The following SLC4A5 variants were observed in gnomAD, a reference collection of about 807,000 sequenced individuals.
SLC4A5 encodes the protein electrogenic sodium bicarbonate cotransporter 4.
SLC4A5 carries 96 observed loss-of-function variants against 120.4 expected under a neutral mutation model. The ratio of observed to expected loss-of-function variants is 0.80; its 90% confidence interval spans 0.68 to 0.94. SLC4A5 has a LOEUF of 0.94. Ranked by LOEUF, SLC4A5 falls within the 40% of genes least tolerant of loss-of-function variation. The pLI is 0.00. For missense variants in SLC4A5, 1,259 were observed against 1,459.5 expected (o/e 0.86, Z 2.24); for synonymous variants, 550 against 571.1 (o/e 0.96, Z 0.53).
At chr2:74,276,787 C>T (rs1671656393) in intron 8 of SLC4A5, among the ~76,000 whole-genome samples, 1 of 150,004 alleles carries the variant, frequency 6.7e-6, no homozygotes, top group Admixed American at 6.6e-5. Flanking sequence ...GATCTGGGTC[C>T]CAGTGATAGG....
At chr2:74,290,705 TAGAG>T (rs1672138986) in intron 7 of SLC4A5, 2 of 981,274 alleles carry the variant, frequency 2.0e-6, no homozygotes, top group African/African-American at 1.8e-5. Flanking sequence ...TCAGGTGCAC[TAGAG>T]AGAGAAAGGC....
intron 6 of SLC4A5, among the ~76,000 whole-genome samples, chr2:74,313,415 A>T (rs1672869173): frequency 6.6e-6 from 1 of 152,178 alleles, no homozygotes; most frequent in African/African-American, 2.4e-5. Flanking sequence ...AGAGATGTTG[A>T]ATATGCTTTA....
chr2:74,273,886 G>A (rs981915589), intron 8 of SLC4A5, among the ~76,000 whole-genome samples: 12 of 152,306 alleles, frequency 7.9e-5, no homozygotes, highest in South Asian at 2.1e-4. Context: ...ACCTGAGGCC[G>A]GGCCTGGTGG....
In SLC4A5 at chr2:74,217,499, T is replaced by G. The variant is rs1000277372; in HGVS notation, c.*1327A>C. On this transcript the variant is annotated 3_prime_UTR_variant, in exon 31 of 31. Transcript: ENST00000394019. ...AATGTGACCTTACCTCTGTCTAACCTGTATTGTTCACATGAATGGGAGTTT... is the reference window on the plus strand; with the variant it reads ...AATGTGACCTTACCTCTGTCTAACCGGTATTGTTCACATGAATGGGAGTTT... The G allele has an allele frequency of 1.3e-5, 2 of 152,212 alleles. 1 individual carries two copies. Among genetic ancestry groups the G allele is most frequent in the Non-Finnish European group, 2.9e-5 (2 of 68,046 alleles). 9.4% of individuals were successfully genotyped at this position (152,212 alleles called of 1,614,324 possible).
Position 74,224,995 on chromosome 2 carries a change from TCTGTGGTGGAGAGAGAC to T in SLC4A5, c.3091-17_3091-1del. The T allele has an allele frequency of 1.2e-6, 2 of 1,613,252 alleles. No homozygotes were observed. The highest frequency in any genetic ancestry group is 1.7e-6 in the Non-Finnish European group (2 of 1,179,860). On this transcript the variant is annotated splice_acceptor_variant and splice_polypyrimidine_tract_variant and intron_variant, in intron 27 of 30. Coordinates refer to ENST00000394019, the Ensembl canonical transcript of SLC4A5. LOFTEE classifies it high-confidence loss of function. ...CTTCGAACGATGATGAGGCCCAGGA[TCTGTGGTGGAGAGAGAC>T]TAAAGTTTTGTGAGAATTTGGAGAA...
At chr2:74,327,872 T>G (rs1573108479) in intron 5 of SLC4A5, among the ~76,000 whole-genome samples, 1 of 152,184 alleles carries the variant, frequency 6.6e-6, no homozygotes, top group East Asian at 1.9e-4. Flanking sequence ...TTCCTGTCAT[T>G]TCTGTTAATT....
exon 15 of SLC4A5, chr2:74,253,120 A>G (rs373547889): frequency 3.1e-6 from 5 of 1,614,134 alleles, no homozygotes; most frequent in Non-Finnish European, 8.5e-7. Flanking sequence ...AGGCCACGTC[A>G]CTGAAGAGCT....
rs1424498413 is a variant in SLC4A5 at position 74,264,301 on chromosome 2, T to G, written c.563-2A>C. On this transcript the variant is annotated splice_acceptor_variant, in intron 9 of 30. Coordinates refer to ENST00000394019, the Ensembl canonical transcript of SLC4A5. LOFTEE classifies it high-confidence loss of function. ...CAATCTGCTTCTCAATGACATCATCTGTGTGGAAAACATACACACCTCATC... is the reference window on the plus strand; with the variant it reads ...CAATCTGCTTCTCAATGACATCATCGGTGTGGAAAACATACACACCTCATC... The G allele has an allele frequency of 6.2e-7, 1 of 1,613,268 alleles. No individual in the cohort carries two copies. The highest frequency in any genetic ancestry group is 8.5e-7 in the Non-Finnish European group (1 of 1,179,496).
At chr2:74,280,257 C>T (rs974256826) in intron 8 of SLC4A5, among the ~76,000 whole-genome samples, 1 of 152,166 alleles carries the variant, frequency 6.6e-6, no homozygotes, top group African/African-American at 2.4e-5. Context: ...TCCTGGCTAA[C>T]TCTGACCCAT....
At chr2:74,285,893 G>A in exon 8 of SLC4A5, 1 of 1,602,060 alleles carries the variant, frequency 6.2e-7, no homozygotes. Flanking sequence ...CTGCTCAGCA[G>A]CTGGGGACCC....
intron 7 of SLC4A5, among the ~76,000 whole-genome samples, chr2:74,303,226 T>C (rs1302714519): frequency 6.6e-6 from 1 of 152,026 alleles, no homozygotes; most frequent in Non-Finnish European, 1.5e-5. Context: ...ATTTACTCTG[T>C]AAAAGCCACA....
intron 7 of SLC4A5, among the ~76,000 whole-genome samples, chr2:74,296,191 T>C (rs183531104): frequency 2.0e-5 from 3 of 152,068 alleles, no homozygotes; most frequent in Admixed American, 2.0e-4. Context: ...CAGTATATGT[T>C]GAAAATTCGG....
Position 74,250,771 on chromosome 2 carries a change from C to G in SLC4A5, c.1479-254G>C, listed in dbSNP as rs187949917. The G allele has an allele frequency of 4.2e-3, 1,850 of 439,594 alleles. 20 individuals carry two copies. The highest frequency in any genetic ancestry group is 0.02 in the Middle Eastern group (31 of 1,582). 27.2% of individuals were successfully genotyped at this position (439,594 alleles called of 1,614,324 possible). On this transcript the variant is annotated intron_variant, in intron 16 of 30. Coordinates refer to ENST00000394019, the Ensembl canonical transcript of SLC4A5. ...GAGGGAAAGTCTGATGGGAATATGT[C>G]CTGGGGTAGACCTAACATTCCATGG...
chr2:74,330,511 A>C (rs111214562), intron 4 of SLC4A5, among the ~76,000 whole-genome samples: 1 of 149,420 alleles, frequency 6.7e-6, no homozygotes, highest in Non-Finnish European at 1.5e-5. Context: ...TGAGGTCTAG[A>C]TGGAGGTGGT....
rs766872138 is a variant in SLC4A5 at position 74,255,876 on chromosome 2, G to A, written c.924C>T (p.Leu308=). Reference sequence around the variant, plus strand: ...GGTCTAGGAAGTCCACCTCGCCCACGAGCACGTTGGACGCTTCTGAGTCCT... The same window carrying A: ...GGTCTAGGAAGTCCACCTCGCCCACAAGCACGTTGGACGCTTCTGAGTCCT... Residue 308 remains leucine (L), a synonymous_variant, in exon 13 of 31, where the codon CTC becomes CTT. Coordinates refer to ENST00000394019, the Ensembl canonical transcript of SLC4A5. The surrounding 1 kb of genome is among the most constrained non-coding windows in gnomAD (Gnocchi z 4.0). The A allele has an allele frequency of 3.5e-5, 57 of 1,614,032 alleles. No individual in the cohort carries two copies. Among genetic ancestry groups the A allele is most frequent in the African/African-American group, 1.1e-4 (8 of 74,908 alleles).
intron 16 of SLC4A5, among the ~76,000 whole-genome samples, chr2:74,251,518 A>C (rs1198169539): frequency 1.3e-5 from 2 of 152,182 alleles, no homozygotes; most frequent in East Asian, 3.8e-4. Context: ...TAAAAAAGGT[A>C]CTGTTATTGA....
intron 7 of SLC4A5, among the ~76,000 whole-genome samples, chr2:74,297,361 G>A (rs970883150): frequency 3.9e-5 from 6 of 152,078 alleles, no homozygotes; most frequent in African/African-American, 1.2e-4. Context: ...GTTTGCCTAG[G>A]ACCGATCTGG....
At chr2:74,274,153 A>G (rs951272313) in intron 8 of SLC4A5, among the ~76,000 whole-genome samples, 1 of 152,228 alleles carries the variant, frequency 6.6e-6, no homozygotes, top group Non-Finnish European at 1.5e-5. Flanking sequence ...CTCATTGTAC[A>G]GGTGAGGAGA....
At chr2:74,314,711 A>T (rs1672909597) in intron 6 of SLC4A5, among the ~76,000 whole-genome samples, 1 of 152,178 alleles carries the variant, frequency 6.6e-6, no homozygotes, top group Non-Finnish European at 1.5e-5. Context: ...GTGTTGGGGA[A>T]GCTATATTCT....
Sources: allele counts gnomAD v4.1 joint callset (sites outside exome capture counted in the v4.1 genomes callset), GRCh38; gene constraint gnomAD v4.1.1; non-coding constraint Gnocchi (gnomAD v3.1); transcripts MANE v1.5; gene names NCBI Gene and HGNC (gene_info 2026-07-23, HGNC 2026-07-21).